The following FAM228B variants were observed in gnomAD, a reference collection of about 807,000 sequenced individuals.
FAM228B encodes protein FAM228B.
A neutral mutation model predicts 42.6 loss-of-function variants in FAM228B; 38 were observed. The ratio of observed to expected loss-of-function variants is 0.89; its 90% confidence interval spans 0.69 to 1.17. The LOEUF is 1.17. FAM228B is among the 50% of genes most tolerant of loss of function. FAM228B has a pLI of 0.00. For missense variants in FAM228B, 344 were observed against 367.3 expected (o/e 0.94, Z 0.52); for synonymous variants, 109 against 122.3 (o/e 0.89, Z 0.72).
intron 5 of FAM228B, among the ~76,000 whole-genome samples, chr2:24,143,875 C>T (rs903663343): frequency 4.0e-5 from 6 of 151,794 alleles, no homozygotes; most frequent in Non-Finnish European, 5.9e-5. Context: ...CAGCTGGGTG[C>T]GGTGGCTTAC....
chr2:24,168,514 A>G (rs973363973), intron 10 of FAM228B, among the ~76,000 whole-genome samples: 3 of 152,332 alleles, frequency 2.0e-5, no homozygotes, highest in East Asian at 3.9e-4. Flanking sequence ...GCTGATTTTC[A>G]TCAGAGAGGT....
At chr2:24,163,342 C>A (rs10211356) in intron 8 of FAM228B, among the ~76,000 whole-genome samples, 126,052 of 152,152 alleles carry the variant, frequency 0.83, 54,094 homozygotes, top group Non-Finnish European at 0.93. Flanking sequence ...AGTGATGTAC[C>A]GTAGAAACAG....
Position 24,138,012 on chromosome 2 carries a change from A to T in FAM228B, c.272A>T (p.Lys91Ile). 1 of 1,547,762 alleles carries T rather than the reference A, an allele frequency of 6.5e-7. No homozygotes were observed. Among genetic ancestry groups the T allele is most frequent in the East Asian group, 2.4e-5 (1 of 40,830 alleles). ...VDCVADPLQK[K>I]IIEKVCSHKK... ...TGTGTGGCAGATCCTCTTCAGAAGA[A>T]AATTATAGAAAAAGTTTGCTCACAT... The change falls in exon 4 of 11, where the codon AAA becomes ATA. Residue 91 changes from lysine (K) to isoleucine (I), a missense_variant. Coordinates refer to ENST00000615575, the MANE Select transcript of FAM228B (RefSeq NM_001145710.2).
At chr2:24,125,288 CAGG>C (rs1284672426) in intron 2 of FAM228B, among the ~76,000 whole-genome samples, 1 of 152,126 alleles carries the variant, frequency 6.6e-6, no homozygotes, top group East Asian at 1.9e-4. Context: ...GAGGCTGAGG[CAGG>C]AGGATTGCTT....
chr2:24,092,940 A>ACACG (rs551080474), intron 2 of FAM228B, among the ~76,000 whole-genome samples: 1 of 150,964 alleles, frequency 6.6e-6, no homozygotes, highest in East Asian at 1.9e-4. Context: ...ACACACACAC[A>ACACG]CACACACACA....
At chr2:24,097,289 T>C (rs1034809051) in intron 3 of FAM228B, 2 of 152,030 alleles carry the variant, frequency 1.3e-5, no homozygotes, top group South Asian at 4.1e-4. Context: ...TAACCTTAAA[T>C]GTAAATGGGC....
At chr2:24,092,928 A>G (rs971394165) in intron 2 of FAM228B, among the ~76,000 whole-genome samples, 7 of 137,122 alleles carry the variant, frequency 5.1e-5, no homozygotes, top group African/African-American at 1.7e-4. Context: ...TTTTATGCAC[A>G]CACACACACA....
At chr2:24,083,728 C>T (rs568456061) in intron 2 of FAM228B, among the ~76,000 whole-genome samples, 1 of 152,326 alleles carries the variant, frequency 6.6e-6, no homozygotes, top group Non-Finnish European at 1.5e-5. Flanking sequence ...GTACTGCCCG[C>T]TGTCAGCTCC....
At chr2:24,132,164 A>G (rs1380985139) in intron 2 of FAM228B, among the ~76,000 whole-genome samples, 1 of 152,364 alleles carries the variant, frequency 6.6e-6, no homozygotes, top group East Asian at 1.9e-4. Flanking sequence ...CCAGCCTTGC[A>G]ACGCAGGGAT....
At chr2:24,155,504 C>T (rs1667113348) in intron 7 of FAM228B, among the ~76,000 whole-genome samples, 1 of 35,894 alleles carries the variant, frequency 2.8e-5, no homozygotes, top group Non-Finnish European at 5.4e-5. Context: ...GAAGACCATG[C>T]ATATATATAT....
chr2:24,093,934 G>A (rs565465624), intron 2 of FAM228B, among the ~76,000 whole-genome samples: 18 of 151,392 alleles, frequency 1.2e-4, no homozygotes, highest in Non-Finnish European at 2.1e-4. Flanking sequence ...TCTTTGTAGT[G>A]GAATGATTTA....
chr2:24,141,146 G>A (rs924608023), intron 5 of FAM228B, among the ~76,000 whole-genome samples: 1 of 151,648 alleles, frequency 6.6e-6, no homozygotes, highest in Non-Finnish European at 1.5e-5. Flanking sequence ...CACGATCTCG[G>A]CTCCTGCAAC....
At chr2:24,166,278 C>T (rs1372276973) in intron 9 of FAM228B, among the ~76,000 whole-genome samples, 1 of 151,766 alleles carries the variant, frequency 6.6e-6, no homozygotes, top group African/African-American at 2.4e-5. Context: ...GAAGTCATGG[C>T]CTTCCTCCCC....
At chr2:24,130,592 G>A (rs1666432014) in intron 2 of FAM228B, among the ~76,000 whole-genome samples, 2 of 152,046 alleles carry the variant, frequency 1.3e-5, no homozygotes, top group South Asian at 4.2e-4. Context: ...GTGTTTGTTG[G>A]CCATGTAAAT....
At chr2:24,079,501 C>T (rs1341530456) in intron 1 of FAM228B, 1 of 1,614,140 alleles carries the variant, frequency 6.2e-7, no homozygotes, top group East Asian at 2.2e-5. Flanking sequence ...TAAAAAGTAG[C>T]TTTGAAAACA....
At chr2:24,103,192 G>T (rs553515007) in intron 3 of FAM228B, among the ~76,000 whole-genome samples, 1 of 152,276 alleles carries the variant, frequency 6.6e-6, no homozygotes, top group South Asian at 2.1e-4. Context: ...TCCAAGCCAG[G>T]CTCAAAGGCT....
upstream of FAM228B, chr2:24,122,789 G>A (rs775273861): frequency 8.7e-6 from 3 of 344,128 alleles, no homozygotes; most frequent in Non-Finnish European, 1.6e-5. Context: ...GAAAATCACA[G>A]CCTGGTGATT....
chr2:24,104,213 G>A (rs1479442082), intron 3 of FAM228B, among the ~76,000 whole-genome samples: 1 of 152,160 alleles, frequency 6.6e-6, no homozygotes, highest in Non-Finnish European at 1.5e-5. Flanking sequence ...GGTGATTCAT[G>A]CTCTCCACAG....
chr2:24,103,516 T>G (rs1043468103), intron 3 of FAM228B, among the ~76,000 whole-genome samples: 3 of 152,226 alleles, frequency 2.0e-5, no homozygotes, highest in African/African-American at 7.2e-5. Context: ...CTTGTGTGGG[T>G]CTCTCTGCGT....
Sources: gnomAD v4.1 joint callset for allele counts (sites outside exome capture counted in the v4.1 genomes callset) on GRCh38, gnomAD v4.1.1 for gene constraint, MANE v1.5 for transcripts, NCBI Gene and HGNC (gene_info 2026-07-23, HGNC 2026-07-21) for gene names.